Variants in RPS6KC1 observed in about 807,000 individuals in gnomAD.
RPS6KC1 encodes the protein ribosomal protein S6 kinase C1.
Under a neutral mutation model 103.8 loss-of-function variants are expected in RPS6KC1, and 54 were observed. The ratio of observed to expected loss-of-function variants is 0.52; its 90% CI spans 0.42 to 0.65. The LOEUF is 0.65. RPS6KC1 is among the 30% of genes least tolerant of loss of function. The pLI, the probability that RPS6KC1 is intolerant of heterozygous loss-of-function variation, is 0.00. For synonymous variants in RPS6KC1, 439 were observed against 438.7 expected (o/e 1.00, Z -0.01); for missense variants, 1,151 against 1,253.8 (o/e 0.92, Z 1.24).
chr1:213,234,384 A>G (rs1424489263), intron 10 of RPS6KC1, among the ~76,000 whole-genome samples: 4 of 152,152 alleles, frequency 2.6e-5, no homozygotes, highest in African/African-American at 9.7e-5. Flanking sequence ...AATAAAAGGA[A>G]CTATACAGAT....
chr1:213,125,393 G>A (rs1029909709), intron 5 of RPS6KC1, among the ~76,000 whole-genome samples: 1 of 151,822 alleles, frequency 6.6e-6, no homozygotes, highest in Non-Finnish European at 1.5e-5. Flanking sequence ...ATTTGTTATT[G>A]CCACATTTTT....
chr1:213,629,968 G>T, the RPS6KC1 span, among the ~76,000 whole-genome samples: 1 of 152,180 alleles, frequency 6.6e-6, no homozygotes, highest in Non-Finnish European at 1.5e-5. Flanking sequence ...TAGTCTGATG[G>T]GCTTGCCTTT....
chr1:213,664,956 A>C, the RPS6KC1 span, among the ~76,000 whole-genome samples: 3 of 152,180 alleles, frequency 2.0e-5, no homozygotes, highest in East Asian at 5.8e-4. Flanking sequence ...ACTTTGGTAA[A>C]CATTGTATTC....
chr1:213,849,073 G>A, the RPS6KC1 span, among the ~76,000 whole-genome samples: 102 of 152,318 alleles, frequency 6.7e-4, no homozygotes, highest in Admixed American at 3.8e-3. Flanking sequence ...GTGGCACAGA[G>A]AGGGAATGAG....
chr1:213,397,253 T>C, the RPS6KC1 span, among the ~76,000 whole-genome samples: 1 of 152,108 alleles, frequency 6.6e-6, no homozygotes, highest in Non-Finnish European at 1.5e-5. Context: ...GGCAGAAGAC[T>C]ACCCTTACTC....
chr1:213,515,152 G>A, the RPS6KC1 span, among the ~76,000 whole-genome samples: 2,812 of 149,358 alleles, frequency 0.019, 82 homozygotes, highest in African/African-American at 0.06. Flanking sequence ...TGAGTAGATT[G>A]CAAAAATTTT....
the RPS6KC1 span, among the ~76,000 whole-genome samples, chr1:213,691,860 C>T: frequency 2.6e-5 from 4 of 152,120 alleles, no homozygotes; most frequent in Non-Finnish European, 5.9e-5. Flanking sequence ...GAGGCAGTGA[C>T]CTTCTGGCTG....
At chr1:213,713,778 T>C in the RPS6KC1 span, among the ~76,000 whole-genome samples, 4 of 152,236 alleles carry the variant, frequency 2.6e-5, no homozygotes, top group Non-Finnish European at 4.4e-5. Flanking sequence ...ATGCAGAAGG[T>C]TGTCTGTCAC....
chr1:213,721,110 C>A, the RPS6KC1 span, among the ~76,000 whole-genome samples: 1 of 152,202 alleles, frequency 6.6e-6, no homozygotes, highest in African/African-American at 2.4e-5. Flanking sequence ...CAATCCCTAT[C>A]TCAGCTTCTG....
At chr1:213,798,396 G>A in the RPS6KC1 span, among the ~76,000 whole-genome samples, 1 of 152,196 alleles carries the variant, frequency 6.6e-6, no homozygotes, top group African/African-American at 2.4e-5. Context: ...TGCTTGGTCT[G>A]TACTCTTAGA....
the RPS6KC1 span, among the ~76,000 whole-genome samples, chr1:213,310,999 A>G: frequency 6.6e-6 from 1 of 152,160 alleles, no homozygotes; most frequent in Non-Finnish European, 1.5e-5. Flanking sequence ...TAGGTGGCTC[A>G]GTGGGGCGAA....
At chr1:213,230,981 C>G (rs969669861) in intron 9 of RPS6KC1, among the ~76,000 whole-genome samples, 3 of 151,612 alleles carry the variant, frequency 2.0e-5, no homozygotes, top group African/African-American at 4.9e-5. Context: ...TATATCCCCC[C>G]CCTAGGTTTT....
At chr1:213,226,334 G>C (rs1228957452) in intron 8 of RPS6KC1, among the ~76,000 whole-genome samples, 1 of 151,896 alleles carries the variant, frequency 6.6e-6, no homozygotes, top group Non-Finnish European at 1.5e-5. Context: ...GCTCTCCTTT[G>C]CAGAAGGAAG....
intron 5 of RPS6KC1, among the ~76,000 whole-genome samples, chr1:213,120,043 A>G (rs1283218122): frequency 6.6e-6 from 1 of 152,208 alleles, no homozygotes; most frequent in East Asian, 1.9e-4. Flanking sequence ...CTGAAGTTTC[A>G]AAAAGATGTG....
chr1:213,167,675 A>C lies in RPS6KC1; in HGVS notation c.836-183A>C, dbSNP rs975721766. 3.9e-5 allele frequency among the ~76,000 whole-genome samples: 6 copies of C among 152,186 alleles called. No homozygotes were observed. In the South Asian group the frequency reaches 6.2e-4, roughly 16 times the overall value. ...AGAATGTTAGAATTTGGATAAATGAAATCAATGGGGGGTAATAGTTAGACT... is the reference window on the plus strand; with the variant it reads ...AGAATGTTAGAATTTGGATAAATGACATCAATGGGGGGTAATAGTTAGACT... On this transcript the variant is annotated intron_variant, in intron 6 of 14. Coordinates refer to ENST00000366960, the MANE Select transcript of RPS6KC1 (RefSeq NM_012424.6).
chr1:213,341,505 G>A, the RPS6KC1 span, among the ~76,000 whole-genome samples: 542 of 152,288 alleles, frequency 3.6e-3, 4 homozygotes, highest in African/African-American at 0.012. Flanking sequence ...ACATAGAGTG[G>A]TGGGTAAAGG....
downstream of RPS6KC1, among the ~76,000 whole-genome samples, chr1:213,279,746 C>T (rs1460485657): frequency 2.0e-5 from 3 of 152,166 alleles, no homozygotes; most frequent in African/African-American, 7.2e-5. Context: ...GATTTTTCCT[C>T]TTCTTGCAAC....
chr1:213,587,208 TG>T, the RPS6KC1 span, among the ~76,000 whole-genome samples: 4 of 152,164 alleles, frequency 2.6e-5, no homozygotes, highest in Non-Finnish European at 5.9e-5. Context: ...GTTTCATCTG[TG>T]TCCACTATTT....
the RPS6KC1 span, among the ~76,000 whole-genome samples, chr1:213,696,281 C>G: frequency 6.6e-6 from 1 of 152,024 alleles, no homozygotes; most frequent in Non-Finnish European, 1.5e-5. Context: ...GGGCGGATCA[C>G]CTGAGGTCAG....
Sources: gnomAD v4.1 joint callset for allele counts (sites outside exome capture counted in the v4.1 genomes callset) on GRCh38, gnomAD v4.1.1 for gene constraint, MANE v1.5 for transcripts, NCBI Gene and HGNC (gene_info 2026-07-23, HGNC 2026-07-21) for gene names.